TVP23B: variants seen among roughly 807,000 people sequenced by gnomAD.
TVP23B encodes Golgi apparatus membrane protein TVP23 homolog B.
In TVP23B, 10 loss-of-function variants were observed where a neutral mutation model predicts 30.6. The ratio of observed to expected loss-of-function variants is 0.33; its 90% CI spans 0.20 to 0.55. The LOEUF (loss-of-function observed/expected upper bound fraction) is 0.55, where lower values mean the gene tolerates loss of function less well. TVP23B is among the 20% of genes least tolerant of loss of function. The pLI, the probability that TVP23B is intolerant of heterozygous loss-of-function variation, is 0.91. For synonymous variants in TVP23B, 67 were observed against 83.1 expected, an observed-to-expected ratio of 0.81 and a Z score of 1.06; for missense variants, 153 against 243.2, an observed-to-expected ratio of 0.63 and a Z score of 2.47.
intron 3 of TVP23B, among the ~76,000 whole-genome samples, chr17:18,792,107 C>A (rs963047305): frequency 1.5e-4 from 23 of 151,692 alleles, no homozygotes; most frequent in African/African-American, 4.6e-4. Flanking sequence ...GATCTTGGCT[C>A]ACCGCAACCT....
At chr17:18,790,202 T>C (rs183055898) in intron 2 of TVP23B, among the ~76,000 whole-genome samples, 132 of 152,296 alleles carry the variant, frequency 8.7e-4, no homozygotes, top group Non-Finnish European at 8.7e-4. Context: ...CGATGGCTCA[T>C]GCCTGTAATC....
chr17:18,801,013 G>A (rs1366840952), intron 5 of TVP23B, among the ~76,000 whole-genome samples: 1 of 152,214 alleles, frequency 6.6e-6, no homozygotes, highest in East Asian at 1.9e-4. Context: ...CTAGTGGAAG[G>A]TAGACAAACA....
chr17:18,801,716 T>A (rs1293479728), intron 5 of TVP23B, among the ~76,000 whole-genome samples: 5 of 151,784 alleles, frequency 3.3e-5, no homozygotes, highest in Admixed American at 3.3e-4. Flanking sequence ...GTCAGCCCAG[T>A]CTTTTTCTAG....
chr17:18,802,273 C>T (rs1225732443), intron 5 of TVP23B, among the ~76,000 whole-genome samples: 5 of 152,064 alleles, frequency 3.3e-5, no homozygotes, highest in Non-Finnish European at 5.9e-5. Context: ...GACCACAGGA[C>T]GGGAATGGGC....
At chr17:18,783,151 G>T (rs2035836463) in intron 1 of TVP23B, among the ~76,000 whole-genome samples, 2 of 150,228 alleles carry the variant, frequency 1.3e-5, no homozygotes, top group Admixed American at 1.3e-4. Context: ...TGTTGCCCAG[G>T]CTGGAGTACA....
chr17:18,800,530 G>T (rs1187245307), intron 5 of TVP23B, among the ~76,000 whole-genome samples: 2 of 152,076 alleles, frequency 1.3e-5, no homozygotes, highest in Admixed American at 1.3e-4. Context: ...GTCACAGTTT[G>T]TTTCTTTTTG....
intron 1 of TVP23B, among the ~76,000 whole-genome samples, chr17:18,785,565 A>G (rs2035892490): frequency 6.6e-6 from 1 of 152,084 alleles, no homozygotes; most frequent in African/African-American, 2.4e-5. Flanking sequence ...CAAGTTTGGC[A>G]TGTTTAAGGA....
intron 1 of TVP23B, among the ~76,000 whole-genome samples, chr17:18,788,349 A>AAAAAT (rs56329292): frequency 9.4e-5 from 14 of 149,374 alleles, no homozygotes; most frequent in Admixed American, 6.0e-4. Flanking sequence ...AAAAAAAAAA[A>AAAAAT]GCCTAAGGTT....
At chr17:18,786,492 C>A (rs1445320784) in intron 1 of TVP23B, among the ~76,000 whole-genome samples, 1 of 151,628 alleles carries the variant, frequency 6.6e-6, no homozygotes. Flanking sequence ...TCCCTGGCCG[C>A]TGGATGGCGA....
At chr17:18,790,474 AAAAAAG>A (rs1287749615) in intron 2 of TVP23B, among the ~76,000 whole-genome samples, 13 of 137,702 alleles carry the variant, frequency 9.4e-5, no homozygotes, top group Admixed American at 6.1e-4. Flanking sequence ...AAAAAAAAAA[AAAAAAG>A]AAAAGAAAGA....
intron 5 of TVP23B, among the ~76,000 whole-genome samples, chr17:18,802,585 G>A (rs2036185596): frequency 1.3e-5 from 2 of 152,028 alleles, no homozygotes; most frequent in South Asian, 4.2e-4. Flanking sequence ...ATGTAGAGCT[G>A]CTCCAACCTG....
Position 18,783,385 on chromosome 17 carries a change from C to T in TVP23B, c.12+2080C>T, listed in dbSNP as rs564477821. Among the ~76,000 whole-genome samples, 27 of 152,326 alleles carry T rather than the reference C, an allele frequency of 1.8e-4. No homozygotes were observed. In the South Asian group the frequency reaches 5.4e-3, roughly 30 times the overall value. On this transcript the variant is annotated intron_variant, in intron 1 of 6. Transcript: ENST00000307767. ...CCTTCCAAAGTGCTAGGATTACAGG[C>T]GTGAGCCGCCAGGCCCGGCCGACGG...
chr17:18,783,660 CT>C (rs1433311509), intron 1 of TVP23B, among the ~76,000 whole-genome samples: 1 of 152,192 alleles, frequency 6.6e-6, no homozygotes, highest in Non-Finnish European at 1.5e-5. Flanking sequence ...GTCTCATATT[CT>C]TTTATGATAA....
chr17:18,782,371 T>C (rs535338617), intron 1 of TVP23B: 3 of 151,756 alleles, frequency 2.0e-5, no homozygotes, highest in Admixed American at 1.3e-4. Context: ...TTGGGCGTGA[T>C]GGTGCACGCC....
intron 5 of TVP23B, among the ~76,000 whole-genome samples, chr17:18,802,635 G>T (rs1183796147): frequency 6.6e-6 from 1 of 152,082 alleles, no homozygotes; most frequent in Non-Finnish European, 1.5e-5. Flanking sequence ...ATGTTTGTTG[G>T]TATTAGTTTA....
At chr17:18,802,164 G>A (rs1316416199) in intron 5 of TVP23B, among the ~76,000 whole-genome samples, 1 of 152,188 alleles carries the variant, frequency 6.6e-6, no homozygotes, top group African/African-American at 2.4e-5. Flanking sequence ...AGAGTTTGCA[G>A]TGAGCCAAGA....
At chr17:18,794,870 G>A (rs1301508512) in intron 3 of TVP23B, among the ~76,000 whole-genome samples, 2 of 151,180 alleles carry the variant, frequency 1.3e-5, no homozygotes, top group African/African-American at 2.4e-5. Flanking sequence ...AAGGAGTGCC[G>A]TTTATGCTTC....
chr17:18,804,894 T>A (rs2036224361), intron 6 of TVP23B, among the ~76,000 whole-genome samples: 1 of 151,380 alleles, frequency 6.6e-6, no homozygotes, highest in African/African-American at 2.4e-5. Context: ...AGCCTGTATG[T>A]TGTATGGTTT....
At position 18,798,924 on chromosome 17, in the gene TVP23B, C is replaced by T. The variant is rs1332185512; in HGVS notation, c.443C>T (p.Ser148Phe). ...WVIFAFSALFSFRVKWLAVVI... is the reference protein window; with the variant it reads ...WVIFAFSALFFFRVKWLAVVI... ...ATATTTGCTTTTAGTGCACTCTTCT[C>T]CTTCAGAGTAAAGTGGTTGGTGAGT... is the stretch of plus-strand genomic sequence containing the variant. Residue 148 changes from serine (S) to phenylalanine (F), a missense_variant, in exon 5 of 7, where the codon TCC (serine) becomes TTC (phenylalanine). Around this residue, in one of 3 missense-constraint regions of TVP23B, gnomAD observed 62 missense variants for 74.3 expected, o/e 0.83. Transcript: ENST00000307767. 6.2e-7 allele frequency: 1 copy of T among 1,613,044 alleles called. No homozygotes were observed. Among genetic ancestry groups the T allele is most frequent in the South Asian group, 1.1e-5 (1 of 90,956 alleles).
Sources: gnomAD v4.1 joint callset for allele counts (sites outside exome capture counted in the v4.1 genomes callset) on GRCh38, gnomAD v4.1.1 for gene constraint, gnomAD v4.1.1 regional missense constraint, MANE v1.5 for transcripts, NCBI Gene and HGNC (gene_info 2026-07-23, HGNC 2026-07-21) for gene names.